The following FBN2 variants were observed in gnomAD, a reference collection of about 807,000 sequenced individuals.
FBN2 encodes fibrillin 2.
In FBN2, 105 loss-of-function variants were observed where a neutral mutation model predicts 355.6. The observed-to-expected ratio is 0.30, with a 90% CI of 0.25 to 0.35. FBN2 has a LOEUF of 0.35. Ranked by LOEUF, FBN2 falls within the 10% of genes least tolerant of loss-of-function variation. FBN2 has a pLI of 1.00. For missense variants in FBN2, 3,280 were observed against 3,758.7 expected (o/e 0.87, Z 3.33); for synonymous variants, 1,350 against 1,301.2 (o/e 1.04, Z -0.81).
At chr5:128,339,635 GCAA>G (rs1750944296) in intron 25 of FBN2, among the ~76,000 whole-genome samples, 1 of 152,162 alleles carries the variant, frequency 6.6e-6, no homozygotes, top group Non-Finnish European at 1.5e-5. Context: ...GATGAACCCT[GCAA>G]CTGTGGTATG....
chr5:128,338,870 G>C, intron 26 of FBN2, 63 bp downstream of exon 26: 4 of 1,552,032 alleles, frequency 2.6e-6, no homozygotes, highest in Non-Finnish European at 3.6e-6. Flanking sequence ...CAAAGGTCAT[G>C]CGCACGAATG....
In FBN2 at chr5:128,305,024, C is replaced by A. The variant is rs1405533952; in HGVS notation, c.5733G>T (p.Leu1911=). 1.9e-6 allele frequency: 3 copies of A among 1,613,354 alleles called. No homozygotes were observed. The South Asian group carries it at 3.3e-5, about 18-fold the overall frequency. ...GGCAGATGCACTGGTAACTTCCTTG[C>A]AGATCAACACACAAGCCATGACTGC... ...NVCSHGLCVD[L]QGSYQCICHN... The change falls in exon 45 of 65, where the codon CTG becomes CTT. Residue 1911 remains leucine (L), a synonymous_variant. Transcript: ENST00000262464.
intron 32 of FBN2, 61 bp from the exon 33 acceptor site, chr5:128,330,756 T>C: frequency 6.3e-7 from 1 of 1,577,092 alleles, no homozygotes; most frequent in Non-Finnish European, 8.7e-7. Flanking sequence ...CCTGGAAAGA[T>C]TATCGTTTGT....
chr5:128,343,489 C>G (rs1751085289), intron 25 of FBN2, among the ~76,000 whole-genome samples: 1 of 152,122 alleles, frequency 6.6e-6, no homozygotes, highest in Non-Finnish European at 1.5e-5. Flanking sequence ...GAAGAAGGAG[C>G]AGGCAGGAGG....
At chr5:128,435,522 C>A (rs1422910165) in intron 7 of FBN2, among the ~76,000 whole-genome samples, 2 of 152,032 alleles carry the variant, frequency 1.3e-5, no homozygotes, top group East Asian at 3.9e-4. Context: ...TGCATAAAAA[C>A]CTTAAGCAGA....
intron 63 of FBN2, among the ~76,000 whole-genome samples, chr5:128,262,448 A>G (rs554135611): frequency 3.7e-4 from 57 of 152,290 alleles, no homozygotes; most frequent in African/African-American, 1.3e-3. Flanking sequence ...CCAATTTTCA[A>G]TCTTAGTTAG....
In FBN2 at chr5:128,453,991, C is replaced by G. The variant is rs558457065; in HGVS notation, c.827-7385G>C. Among the ~76,000 whole-genome samples, 32 of 121,470 alleles carry G rather than the reference C, an allele frequency of 2.6e-4. No individual in the cohort carries two copies. In the South Asian group the frequency reaches 5.7e-3, roughly 22 times the overall value. The allele number at this position is 121,470 out of a possible 152,430, so 79.7% of individuals were successfully genotyped here. A position where few individuals can be genotyped will look rare whatever the true frequency, so the allele number is the denominator to read the frequency against. On this transcript the variant is annotated intron_variant, in intron 6 of 64. Transcript: ENST00000262464. ...GAGTAGAATACTCAGAAATGGCTTG[C>G]CCCCCCCCCAAGTTTCTCCTTCCAT...
At chr5:128,522,790 C>G (rs755259002) in intron 4 of FBN2, among the ~76,000 whole-genome samples, 12 of 152,122 alleles carry the variant, frequency 7.9e-5, no homozygotes, top group Non-Finnish European at 1.5e-4. Flanking sequence ...TATATTTCAA[C>G]TGGAGTCAGA....
intron 4 of FBN2, among the ~76,000 whole-genome samples, chr5:128,520,683 G>A (rs1275116469): frequency 6.6e-6 from 1 of 152,106 alleles, no homozygotes; most frequent in Non-Finnish European, 1.5e-5. Context: ...AAACGCACTT[G>A]GAAATAAAAG....
intron 7 of FBN2, among the ~76,000 whole-genome samples, chr5:128,431,341 T>C (rs555224014): frequency 9.9e-5 from 15 of 152,224 alleles, no homozygotes; most frequent in Admixed American, 3.3e-4. Flanking sequence ...ATATGTTCCA[T>C]GACCCTCAAT....
chr5:128,311,623 T>C (rs1750060276), intron 38 of FBN2, among the ~76,000 whole-genome samples, 198 bp from the exon 39 acceptor site: 1 of 152,184 alleles, frequency 6.6e-6, no homozygotes, highest in African/African-American at 2.4e-5. Flanking sequence ...TCTGAGAAAA[T>C]GAATAAAGTT....
At chr5:128,525,870 T>G (rs879544459) in intron 4 of FBN2, among the ~76,000 whole-genome samples, 12 of 152,168 alleles carry the variant, frequency 7.9e-5, no homozygotes, top group Non-Finnish European at 1.3e-4. Context: ...CAAATTCCAG[T>G]GTCTATAAAG....
chr5:128,362,763 C>T (rs775244237), intron 18 of FBN2, among the ~76,000 whole-genome samples: 4 of 152,178 alleles, frequency 2.6e-5, no homozygotes, highest in Non-Finnish European at 5.9e-5. Flanking sequence ...CCGCACCTGG[C>T]CTCACATTTT....
At chr5:128,505,636 C>A (rs1334117771) in intron 5 of FBN2, among the ~76,000 whole-genome samples, 1 of 152,134 alleles carries the variant, frequency 6.6e-6, no homozygotes, top group Admixed American at 6.5e-5. Flanking sequence ...CTATCCATAC[C>A]TTTGCATCCC....
chr5:128,309,522 T>C, intron 40 of FBN2, 123 bp from the exon 41 acceptor site: 1 of 761,992 alleles, frequency 1.3e-6, no homozygotes, highest in Non-Finnish European at 2.2e-6. Context: ...TTTTAGTCAT[T>C]TGAAGCTATC....
At chr5:128,424,031 G>A (rs1209986805) in intron 7 of FBN2, among the ~76,000 whole-genome samples, 3 of 152,266 alleles carry the variant, frequency 2.0e-5, no homozygotes, top group Non-Finnish European at 4.4e-5. Flanking sequence ...CATGATGAAC[G>A]TGAGAAATGA....
intron 8 of FBN2, among the ~76,000 whole-genome samples, chr5:128,395,977 T>C (rs1752639838): frequency 6.6e-6 from 1 of 152,160 alleles, no homozygotes; most frequent in African/African-American, 2.4e-5. Context: ...GAAGATCTCT[T>C]TGGCTGCGAT....
chr5:128,497,855 C>T (rs1755698419), intron 5 of FBN2, among the ~76,000 whole-genome samples: 1 of 152,098 alleles, frequency 6.6e-6, no homozygotes, highest in South Asian at 2.1e-4. Flanking sequence ...ATGCAATGTA[C>T]CAAATTCTTT....
rs2126808746 is a variant in FBN2, at chr5:128,277,892, T to C, written c.7459A>G (p.Thr2487Ala). The C allele has an allele frequency of 6.2e-7, 1 of 1,614,070 alleles. No homozygotes were observed. The highest frequency in any genetic ancestry group is 8.5e-7 in the Non-Finnish European group (1 of 1,180,000). Residue 2487 changes from threonine (T) to alanine (A), a missense_variant, in exon 58 of 65, where the codon ACC becomes GCC. By Grantham distance (58) the Thr-to-Ala change is moderately conservative (BLOSUM62 0). Coordinates refer to ENST00000262464, the MANE Select transcript of FBN2 (RefSeq NM_001999.4). The stretch of plus-strand genomic sequence containing the variant: ...TGCCCATCGTTACCTATACAAGAGG[T>C]TCCACTGATGTCTGTGGTGTAGCCA... ...KVGYTTDISG[T>A]SCIDLDECSQ...
Sources: gnomAD v4.1 joint callset for allele counts (sites outside exome capture counted in the v4.1 genomes callset) on GRCh38, gnomAD v4.1.1 for gene constraint, MANE v1.5 for transcripts, NCBI Gene and HGNC (gene_info 2026-07-23, HGNC 2026-07-21) for gene names.